DYM: variants seen among roughly 807,000 people sequenced by gnomAD.
DYM encodes dymeclin.
Under a neutral mutation model 93.1 loss-of-function variants are expected in DYM, and 78 were observed. That is an observed-to-expected ratio of 0.84 (90% CI 0.70 to 1.01). The LOEUF is 1.01. DYM is among the 50% of genes least tolerant of loss of function. The probability of loss-of-function intolerance (pLI) is 0.00; values close to 1 mark genes in which losing one functional copy is unlikely to be tolerated. For missense variants in DYM, 789 were observed against 845.0 expected (o/e 0.93, Z 0.82); for synonymous variants, 321 against 319.7 (o/e 1.00, Z -0.04).
chr18:49,149,050 C>T (rs556089714), intron 15 of DYM, among the ~76,000 whole-genome samples: 3 of 152,250 alleles, frequency 2.0e-5, no homozygotes, highest in Admixed American at 6.5e-5. Flanking sequence ...GACCTATCTG[C>T]GGGTGACGGG....
intron 6 of DYM, among the ~76,000 whole-genome samples, chr18:49,334,631 G>A (rs1477455185): frequency 1.3e-5 from 2 of 152,026 alleles, no homozygotes; most frequent in East Asian, 3.8e-4. Flanking sequence ...AGTAAAAAGA[G>A]CAATAGCACC....
intron 15 of DYM, among the ~76,000 whole-genome samples, chr18:49,130,970 T>G (rs77798548): frequency 0.022 from 3,365 of 152,314 alleles, 122 homozygotes; most frequent in African/African-American, 0.076. Context: ...CACTGAACCT[T>G]TTTGAGCCTC....
chr18:49,144,147 T>A (rs2084829289), intron 15 of DYM, among the ~76,000 whole-genome samples: 1 of 152,182 alleles, frequency 6.6e-6, no homozygotes, highest in Non-Finnish European at 1.5e-5. Flanking sequence ...TGTTTTTCTC[T>A]CTCTCCTTTC....
chr18:49,378,984 C>A (rs1777863387), intron 4 of DYM, among the ~76,000 whole-genome samples: 1 of 151,962 alleles, frequency 6.6e-6, no homozygotes, highest in Admixed American at 6.6e-5. Flanking sequence ...AATAGGTATA[C>A]CACGTACATG....
At position 49,276,747 on chromosome 18, in the gene DYM, G is replaced by A. The variant is rs553658339; in HGVS notation, c.1126-4444C>T. ...GTAAGAGCTTTAACCTGAGGGCACT[G>A]TGGAGACATGAAAGGGCTTTAAAAG... On this transcript the variant is annotated intron_variant, in intron 10 of 17. Transcript: ENST00000675505. 1.1e-4 allele frequency among the ~76,000 whole-genome samples: 17 copies of A among 152,290 alleles called. No individual in the cohort carries two copies. The South Asian group carries it at 2.3e-3, about 20-fold the overall frequency.
intron 6 of DYM, among the ~76,000 whole-genome samples, chr18:49,352,164 T>C (rs1421397459): frequency 5.9e-5 from 9 of 152,180 alleles, no homozygotes; most frequent in Admixed American, 5.9e-4. Context: ...ATGTCCAGAA[T>C]AGCCAAATCC....
At chr18:49,105,786 T>C (rs1599780589) in intron 16 of DYM, among the ~76,000 whole-genome samples, 2 of 152,350 alleles carry the variant, frequency 1.3e-5, no homozygotes, top group South Asian at 4.1e-4. Flanking sequence ...TTTGTTATAA[T>C]TTCTGTTCTT....
In DYM at chr18:49,119,075, T is replaced by G. The variant is rs570620452; in HGVS notation, c.1729-149A>C. 4.1e-5 allele frequency: 30 copies of G among 727,466 alleles called. No individual in the cohort carries two copies. The East Asian group carries it at 7.9e-4, about 19-fold the overall frequency. 45.1% of individuals were successfully genotyped at this position (727,466 alleles called of 1,614,324 possible). On this transcript the variant is annotated intron_variant, in intron 15 of 17. Transcript: ENST00000675505. Reference sequence around the variant, plus strand: ...TCATCAAGATTATTTCTGTCAAGAATCTTAAGAATGAGGTTTATCAGTTAC... The same window carrying G: ...TCATCAAGATTATTTCTGTCAAGAAGCTTAAGAATGAGGTTTATCAGTTAC...
At chr18:49,221,511 G>A (rs2093356522) in intron 13 of DYM, among the ~76,000 whole-genome samples, 1 of 152,074 alleles carries the variant, frequency 6.6e-6, no homozygotes, top group African/African-American at 2.4e-5. Context: ...CAAGCCAAAT[G>A]TCCAACAATG....
chr18:49,249,186 G>A (rs985066743), intron 13 of DYM, among the ~76,000 whole-genome samples: 11 of 152,298 alleles, frequency 7.2e-5, no homozygotes, highest in African/African-American at 2.6e-4. Flanking sequence ...CTTACCAGCT[G>A]TGAAGAGTCA....
chr18:49,259,217 G>C (rs969177248), intron 11 of DYM, among the ~76,000 whole-genome samples: 29 of 152,268 alleles, frequency 1.9e-4, no homozygotes, highest in African/African-American at 6.5e-4. Flanking sequence ...CAAATGCAGA[G>C]GGGGGAACCC....
At chr18:49,052,576 T>A (rs1251702527) in intron 17 of DYM, among the ~76,000 whole-genome samples, 2 of 152,244 alleles carry the variant, frequency 1.3e-5, no homozygotes, top group African/African-American at 2.4e-5. Flanking sequence ...CCTGTGAGGC[T>A]AAGGGAAGTC....
chr18:49,375,229 C>CACAT lies in DYM; in HGVS notation c.421+3337_421+3338insATGT, dbSNP rs1555715810. On this transcript the variant is annotated intron_variant, in intron 5 of 17. Coordinates refer to ENST00000675505, the MANE Select transcript of DYM (RefSeq NM_001353214.3). The stretch of plus-strand genomic sequence containing the variant: ...ACACACACACACACACACACACACA[C>CACAT]ATCTATACCTACCTTGGGCTTTAGA... Among the ~76,000 whole-genome samples, 73 of 145,856 alleles carry CACAT rather than the reference C, an allele frequency of 5.0e-4. 6 individuals are homozygous for CACAT. The highest frequency in any genetic ancestry group is 8.6e-4 in the South Asian group (4 of 4,644).
chr18:49,165,273 G>A (rs959129790), intron 14 of DYM, among the ~76,000 whole-genome samples: 4 of 152,160 alleles, frequency 2.6e-5, no homozygotes, highest in Admixed American at 2.6e-4. Context: ...TCAGAGGTAT[G>A]TATTATAATT....
chr18:49,295,913 C>CTTATTTAT (rs113289427), intron 8 of DYM, among the ~76,000 whole-genome samples: 2 of 151,336 alleles, frequency 1.3e-5, no homozygotes, highest in East Asian at 1.9e-4. Flanking sequence ...CAAAACCGTT[C>CTTATTTAT]TTATTTATTT....
intron 2 of DYM, among the ~76,000 whole-genome samples, chr18:49,401,696 C>A (rs1360678772): frequency 6.6e-6 from 1 of 151,902 alleles, no homozygotes; most frequent in Non-Finnish European, 1.5e-5. Context: ...ATTGGGCTAC[C>A]CGGAAGATAA....
At chr18:49,449,158 C>A (rs183285225) in intron 1 of DYM, among the ~76,000 whole-genome samples, 1 of 152,110 alleles carries the variant, frequency 6.6e-6, no homozygotes, top group Non-Finnish European at 1.5e-5. Context: ...AGACCTTAGG[C>A]AAATAAAGGT....
rs1168227342 is a variant in DYM at position 49,441,136 on chromosome 18, ATATAT to A, written c.-53-10694_-53-10690del. Among the ~76,000 whole-genome samples, 3 of 2,714 alleles carry A rather than the reference ATATAT, an allele frequency of 1.1e-3. 1 individual carries two copies. The highest frequency in any genetic ancestry group is 0.17 in the East Asian group (2 of 12). The allele number at this position is 2,714 out of a possible 152,430, so 1.8% of individuals were successfully genotyped here. A position where few individuals can be genotyped will look rare whatever the true frequency, so the allele number is the denominator to read the frequency against. Reference sequence around the variant, plus strand: ...ATAAATATATTATATATTTATATAAATATATTATATAATATAATATATATTATATA... The same window carrying A: ...ATAAATATATTATATATTTATATAAATATATAATATAATATATATTATATA... On this transcript the variant is annotated intron_variant, in intron 1 of 17. Coordinates refer to ENST00000675505, the MANE Select transcript of DYM (RefSeq NM_001353214.3).
chr18:49,188,204 T>G (rs1296778426), intron 14 of DYM, among the ~76,000 whole-genome samples: 2 of 152,156 alleles, frequency 1.3e-5, no homozygotes, highest in Admixed American at 1.3e-4. Flanking sequence ...CACCACCAGT[T>G]TGACTGTGGA....
Sources: gnomAD v4.1 joint callset for allele counts (sites outside exome capture counted in the v4.1 genomes callset) on GRCh38, gnomAD v4.1.1 for gene constraint, MANE v1.5 for transcripts, NCBI Gene and HGNC (gene_info 2026-07-23, HGNC 2026-07-21) for gene names.